The following SCN2A variants were observed in gnomAD, a reference collection of about 807,000 sequenced individuals.
SCN2A encodes sodium channel protein type 2 subunit alpha.
SCN2A carries 20 observed loss-of-function variants against 188.7 expected under a neutral mutation model. The ratio of observed to expected loss-of-function variants is 0.11; its 90% CI spans 0.07 to 0.15. The LOEUF is 0.15. SCN2A is among the 10% of genes least tolerant of loss of function. The pLI is 1.00. For synonymous variants in SCN2A, 804 were observed against 833.1 expected (o/e 0.97, Z 0.60); for missense variants, 1,278 against 2,445.0 (o/e 0.52, Z 10.07).
At chr2:165,261,356 T>A (rs1694587827) in intron 1 of SCN2A, among the ~76,000 whole-genome samples, 1 of 152,180 alleles carries the variant, frequency 6.6e-6, no homozygotes, top group African/African-American at 2.4e-5. Flanking sequence ...AGGATCATTG[T>A]TAGGCTGGTA....
intron 17 of SCN2A, 78 bp from the exon 18 acceptor site, chr2:165,365,065 G>T (rs916615194): frequency 1.1e-5 from 14 of 1,285,726 alleles, no homozygotes; most frequent in African/African-American, 4.4e-5. Context: ...AAGATGGGGG[G>T]GGGGCACACC....
intron 22 of SCN2A, among the ~76,000 whole-genome samples, chr2:165,375,615 G>A (rs967012023): frequency 1.3e-5 from 2 of 151,826 alleles, no homozygotes; most frequent in Non-Finnish European, 2.9e-5. Flanking sequence ...TACTATGTCC[G>A]CACAACAGAA....
chr2:165,372,787 T>C (rs1318290173), intron 20 of SCN2A: 1 of 176,960 alleles, frequency 5.7e-6, no homozygotes, highest in Admixed American at 5.5e-5. Flanking sequence ...CAGTGGTTTG[T>C]ATAGTTTACT....
intron 1 of SCN2A, among the ~76,000 whole-genome samples, chr2:165,254,289 C>T (rs1416943673): frequency 6.6e-6 from 1 of 151,372 alleles, no homozygotes; most frequent in South Asian, 2.1e-4. Flanking sequence ...TTTTTCATTA[C>T]TATTTTGGAT....
chr2:165,325,393 G>A (rs903578358), intron 12 of SCN2A, among the ~76,000 whole-genome samples: 20 of 152,160 alleles, frequency 1.3e-4, no homozygotes, highest in Non-Finnish European at 2.5e-4. Flanking sequence ...TGAGCTGAAG[G>A]TGCAAACAAA....
intron 14 of SCN2A, among the ~76,000 whole-genome samples, chr2:165,340,190 A>G (rs1420566077): frequency 2.0e-5 from 3 of 152,228 alleles, no homozygotes; most frequent in South Asian, 4.1e-4. Flanking sequence ...CATCTGAAAT[A>G]AAACACAGGA....
chr2:165,333,462 A>G (rs906609277), intron 14 of SCN2A, among the ~76,000 whole-genome samples: 2 of 151,960 alleles, frequency 1.3e-5, no homozygotes, highest in African/African-American at 2.4e-5. Context: ...TTTTTCTGAT[A>G]AAAAATAAAA....
chr2:165,312,353 T>G (rs916546735), intron 8 of SCN2A, among the ~76,000 whole-genome samples: 6 of 152,174 alleles, frequency 3.9e-5, no homozygotes. Context: ...CAGTATAATA[T>G]GCATCTGAAG....
Position 165,388,856 on chromosome 2 carries a change from T to C in SCN2A, c.5050T>C (p.Tyr1684His). 6.2e-7 allele frequency: 1 copy of C among 1,614,100 alleles called. No individual in the cohort carries two copies. Among genetic ancestry groups the C allele is most frequent in the Non-Finnish European group, 8.5e-7 (1 of 1,179,988 alleles). ...YAIFGMSNFAYVKREVGIDDM... is the reference protein window; with the variant it reads ...YAIFGMSNFAHVKREVGIDDM... ...CATCTTTGGGATGTCCAATTTTGCC[T>C]ATGTTAAGAGGGAAGTTGGGATCGA... The change falls in exon 27 of 27, where the codon TAT (tyrosine) becomes CAT (histidine). Residue 1684 changes from tyrosine (Y) to histidine (H), a missense_variant. Tyr to His is a moderately conservative substitution (Grantham distance 83). This residue lies in a region of SCN2A where 47 missense variants were observed against 109.0 expected (regional missense o/e 0.43). Transcript: ENST00000375437.
intron 5 of SCN2A, 51 bp downstream of exon 5, chr2:165,308,845 A>T: frequency 6.2e-7 from 1 of 1,606,794 alleles, no homozygotes; most frequent in Non-Finnish European, 8.5e-7. Flanking sequence ...CACTGGTGGG[A>T]GCCTATACTA....
intron 20 of SCN2A, chr2:165,372,512 A>G (rs1701091366): frequency 6.6e-6 from 1 of 152,102 alleles, no homozygotes; most frequent in African/African-American, 2.4e-5. Context: ...GAAATTGGAC[A>G]TGTGTATGTC....
intron 14 of SCN2A, among the ~76,000 whole-genome samples, chr2:165,334,532 C>T (rs1698880086): frequency 1.3e-5 from 2 of 151,776 alleles, no homozygotes; most frequent in South Asian, 4.1e-4. Context: ...ACTATACAAT[C>T]ATCTCTATAG....
At position 165,303,270 on chromosome 2, in the gene SCN2A, G is replaced by GTTTTTTTTTTTTT. The variant is rs71028477; in HGVS notation, c.387-4567_387-4555dup. Among the ~76,000 whole-genome samples, 105 of 91,304 alleles carry GTTTTTTTTTTTTT rather than the reference G, an allele frequency of 1.1e-3. 3 individuals carry two copies. The highest frequency in any genetic ancestry group is 2.2e-3 in the East Asian group (6 of 2,672). 59.9% of individuals were successfully genotyped at this position (91,304 alleles called of 152,430 possible). A position where few individuals can be genotyped will look rare whatever the true frequency, so the allele number is the denominator to read the frequency against. On this transcript the variant is annotated intron_variant, in intron 3 of 26. Transcript: ENST00000375437. ...TTGTATTTGAGTTTTTGTTATTTGA[G>GTTTTTTTTTTTTT]TTTTTTTTTTTTTTTTTTTTTTTGA...
rs917824893 is a variant in SCN2A, at chr2:165,315,878, G to A, written c.1671+120G>A. On this transcript the variant is annotated intron_variant, in intron 11 of 26. Coordinates refer to ENST00000375437, the MANE Select transcript of SCN2A (RefSeq NM_001040142.2). The stretch of plus-strand genomic sequence containing the variant: ...GGCACAATGCTTTCAGAGTAGTGAT[G>A]ATTATCAAGTGTTTTGGCTATCACT... The A allele has an allele frequency of 2.6e-6, 3 of 1,152,858 alleles. No homozygotes were observed. In the Admixed American group the frequency reaches 7.1e-5, roughly 27 times the overall value. 71.4% of individuals were successfully genotyped at this position (1,152,858 alleles called of 1,614,324 possible). A position where few individuals can be genotyped will look rare whatever the true frequency, so the allele number is the denominator to read the frequency against.
chr2:165,367,303 A>G lies in SCN2A; in HGVS notation c.3607A>G (p.Lys1203Glu). The G allele has an allele frequency of 6.2e-7, 1 of 1,614,180 alleles. No homozygotes were observed. Among genetic ancestry groups the G allele is most frequent in the East Asian group, 2.2e-5 (1 of 44,872 alleles). Residue 1203 changes from lysine (K) to glutamate (E), a missense_variant, in exon 19 of 27, where the codon AAG becomes GAG. Lys to Glu is a moderately conservative substitution (Grantham distance 56, BLOSUM62 1). Coordinates refer to ENST00000375437, the MANE Select transcript of SCN2A (RefSeq NM_001040142.2). ...LWWNLRKTCYKIVEHNWFETF... is the reference protein window; with the variant it reads ...LWWNLRKTCYEIVEHNWFETF... ...GTGGAATTTGAGGAAAACATGCTATAAGATAGTGGAGCACAATTGGTTCGA... is the reference window on the plus strand; with the variant it reads ...GTGGAATTTGAGGAAAACATGCTATGAGATAGTGGAGCACAATTGGTTCGA...
chr2:165,365,058 A>G (rs1700649888), intron 17 of SCN2A, 85 bp from the exon 18 acceptor site: 2 of 1,168,184 alleles, frequency 1.7e-6, no homozygotes, highest in Admixed American at 4.6e-5. Context: ...CATACAGAAG[A>G]TGGGGGGGGG....
intron 1 of SCN2A, among the ~76,000 whole-genome samples, chr2:165,277,256 A>G (rs897746030): frequency 6.6e-6 from 1 of 152,128 alleles, no homozygotes; most frequent in Non-Finnish European, 1.5e-5. Flanking sequence ...ATTTAAAAAT[A>G]CTCATATTTT....
Position 165,372,089 on chromosome 2 carries a change from G to C in SCN2A, c.3850-1136G>C, listed in dbSNP as rs577585564. ...TGGTTCTGTCTTCAGAGAAGGTAAAGTACTACAGGTCCTTATATCTTAAAT... is the reference window on the plus strand; with the variant it reads ...TGGTTCTGTCTTCAGAGAAGGTAAACTACTACAGGTCCTTATATCTTAAAT... On this transcript the variant is annotated intron_variant, in intron 20 of 26. Transcript: ENST00000375437. The C allele has an allele frequency of 3.8e-4, 58 of 152,226 alleles. 1 individual carries two copies. The highest frequency in any genetic ancestry group is 1.3e-3 in the African/African-American group (56 of 41,548). 9.4% of individuals were successfully genotyped at this position (152,226 alleles called of 1,614,324 possible).
rs1697708838 is a variant in SCN2A, at chr2:165,315,717, A to T, written c.1630A>T (p.Ser544Cys). 6.2e-7 allele frequency: 1 copy of T among 1,613,534 alleles called. No individual in the cohort carries two copies. The highest frequency in any genetic ancestry group is 8.5e-7 in the Non-Finnish European group (1 of 1,179,776). The change falls in exon 11 of 27, where the codon AGT becomes TGT. Residue 544 changes from serine (S) to cysteine (C), a missense_variant. Ser to Cys is a moderately radical substitution (Grantham distance 112). This residue lies in a region of SCN2A where 315 missense variants were observed against 386.6 expected (regional missense o/e 0.81). Transcript: ENST00000375437. ...AGGTTTCCGTTTTTCCTTGGAAGGA[A>T]GTAGGCTGACATATGAAAAGAGATT... ...RKGFRFSLEGSRLTYEKRFSS... is the reference protein window; with the variant it reads ...RKGFRFSLEGCRLTYEKRFSS...
Sources: allele counts gnomAD v4.1 joint callset (sites outside exome capture counted in the v4.1 genomes callset), GRCh38; gene constraint gnomAD v4.1.1; regional missense constraint gnomAD v4.1.1; transcripts MANE v1.5; gene names NCBI Gene and HGNC (gene_info 2026-07-23, HGNC 2026-07-21).